BDP1: variants seen among roughly 807,000 people sequenced by gnomAD.
The protein encoded by BDP1 is transcription factor TFIIIB component B'' homolog.
In BDP1, 169 loss-of-function variants were observed where a neutral mutation model predicts 266.6. That is an observed-to-expected ratio of 0.63 (90% CI 0.56 to 0.72). The LOEUF is 0.72. Ranked by LOEUF, BDP1 falls within the 30% of genes least tolerant of loss-of-function variation. BDP1 has a pLI of 0.00. For missense variants in BDP1, 3,015 were observed against 3,053.8 expected (o/e 0.99, Z 0.30); for synonymous variants, 1,090 against 1,022.4 (o/e 1.07, Z -1.26).
chr5:71,495,265 C>A lies in BDP1; in HGVS notation c.1656C>A (p.Ala552=). ...TTTTTTTTAGTAATCAACAAGATGC[C>A]ACATCAGTAGCAACTGAGTCTTCAG... is the stretch of plus-strand genomic sequence containing the variant. ...PILSLSNQQD[A]TSVATESSES... Residue 552 remains alanine, a synonymous_variant, in exon 12 of 39, where the codon GCC becomes GCA. Transcript: ENST00000358731. The A allele has an allele frequency of 6.4e-7, 1 of 1,561,730 alleles. No individual in the cohort carries two copies. Among genetic ancestry groups the A allele is most frequent in the Non-Finnish European group, 8.7e-7 (1 of 1,153,760 alleles).
At chr5:71,526,025 C>T (rs1194170573) in intron 25 of BDP1, among the ~76,000 whole-genome samples, 1 of 152,144 alleles carries the variant, frequency 6.6e-6, no homozygotes, top group Non-Finnish European at 1.5e-5. Context: ...CTCCTCACTT[C>T]CCAGACGGGG....
In BDP1 at chr5:71,525,445, CA is replaced by C. The variant is rs1462640645; in HGVS notation, c.5772+1123del. Among the ~76,000 whole-genome samples, 276 of 48,936 alleles carry C rather than the reference CA, an allele frequency of 5.6e-3. 7 individuals carry two copies. The highest frequency in any genetic ancestry group is 0.022 in the East Asian group (25 of 1,122). 32.1% of individuals were successfully genotyped at this position (48,936 alleles called of 152,430 possible). On this transcript the variant is annotated intron_variant, in intron 25 of 38. Transcript: ENST00000358731. Reference sequence around the variant, plus strand: ...GGCGGCTGGCCGGGCGGGGGGCTGACACCCCCCACCTCCCTCCCGGACGGGG... The same window carrying C: ...GGCGGCTGGCCGGGCGGGGGGCTGACCCCCCCACCTCCCTCCCGGACGGGG...
At chr5:71,553,693 T>A (rs950025524) in intron 35 of BDP1, among the ~76,000 whole-genome samples, 2 of 152,188 alleles carry the variant, frequency 1.3e-5, no homozygotes, top group African/African-American at 4.8e-5. Context: ...ATGATAATAC[T>A]AGTATCATCA....
At position 71,455,798 on chromosome 5, in the gene BDP1, A is replaced by T. The variant is rs142427839; in HGVS notation, c.-80A>T. The T allele has an allele frequency of 1.5e-3, 1,922 of 1,264,194 alleles. 26 individuals are homozygous for T. The African/African-American group carries it at 0.024, about 16-fold the overall frequency. The allele number at this position is 1,264,194 out of a possible 1,614,324, so 78.3% of individuals were successfully genotyped here. A position where few individuals can be genotyped will look rare whatever the true frequency, so the allele number is the denominator to read the frequency against. ...GCTTTGTGGGGAGGGCGTAGTTCCT[A>T]ATCCCCTTTCCGGGCAGCCGCCGGG... On this transcript the variant is annotated 5_prime_UTR_variant, in exon 1 of 39. Coordinates refer to ENST00000358731, the MANE Select transcript of BDP1 (RefSeq NM_018429.3).
chr5:71,480,153 C>T (rs1762857250), intron 7 of BDP1, among the ~76,000 whole-genome samples: 1 of 151,290 alleles, frequency 6.6e-6, no homozygotes, highest in Admixed American at 6.6e-5. Context: ...ACTCTGTCGC[C>T]AGGCTGGAGT....
chr5:71,562,321 A>G lies in BDP1; in HGVS notation c.7544A>G (p.Asn2515Ser). ...TTTTTATCTTTAATATGCTCAAAGA[A>G]TAGTTTGGAGTCTGATGAACCTATG... ...LGFLSLICSK[N>S]SLESDEPMQV... The change falls in exon 38 of 39, where the codon AAT becomes AGT. Residue 2515 changes from asparagine (N) to serine (S), a missense_variant. Physicochemically the swap from Asn to Ser is conservative, Grantham distance 46. Transcript: ENST00000358731. 2 of 1,613,044 alleles carry G rather than the reference A, an allele frequency of 1.2e-6. No individual in the cohort carries two copies. The highest frequency in any genetic ancestry group is 1.7e-6 in the Non-Finnish European group (2 of 1,179,522).
chr5:71,543,050 AGCCAAGGTGGGTG>A (rs1016901979), intron 30 of BDP1, among the ~76,000 whole-genome samples: 3 of 152,012 alleles, frequency 2.0e-5, no homozygotes, highest in African/African-American at 4.8e-5. Context: ...CACTTTGGGA[AGCCAAGGTGGGTG>A]GCTCATTTGA....
chr5:71,483,666 C>T (rs1763091645), intron 7 of BDP1, among the ~76,000 whole-genome samples, 176 bp from the exon 8 acceptor site: 1 of 152,138 alleles, frequency 6.6e-6, no homozygotes, highest in Non-Finnish European at 1.5e-5. Context: ...CAGTAAAAAT[C>T]TTTCATCCTT....
At chr5:71,531,220 G>A (rs1011863967) in intron 25 of BDP1, among the ~76,000 whole-genome samples, 10 of 152,012 alleles carry the variant, frequency 6.6e-5, no homozygotes, top group African/African-American at 2.4e-4. Flanking sequence ...TCGCACCACC[G>A]CAGCTGGGGT....
chr5:71,553,154 T>C lies in BDP1; in HGVS notation c.7034T>C (p.Met2345Thr). The C allele has an allele frequency of 2.5e-6, 4 of 1,613,026 alleles. No individual in the cohort carries two copies. The highest frequency in any genetic ancestry group is 3.4e-6 in the Non-Finnish European group (4 of 1,179,944). The change falls in exon 35 of 39, where the codon ATG becomes ACG. Residue 2345 changes from methionine to threonine, a missense_variant. Physicochemically the swap from Met to Thr is moderately conservative, Grantham distance 81 (BLOSUM62 -1). This residue lies in a region of BDP1 where 629 missense variants were observed against 632.5 expected (regional missense o/e 0.99). Transcript: ENST00000358731. ...LPATSVGQDA[M>T]GLSISGRDNS... ...GCAACTTCAGTTGGTCAAGATGCCA[T>C]GGGTTTATCTATTTCTGGAAGAGAT...
At position 71,486,602 on chromosome 5, in the gene BDP1, C is replaced by T. The variant is rs902906277; in HGVS notation, c.1188C>T (p.Ser396=). ...ATCACAGTTTAAAGGAGAAGAAATC[C>T]ACCAAACCACGGAAAAATGTAAAAG... The part of the protein sequence containing the change: ...VKNHSLKEKK[S]TKPRKNVKVK... The change falls in exon 9 of 39, where the codon TCC becomes TCT. Residue 396 remains serine, a synonymous_variant. Transcript: ENST00000358731. The T allele has an allele frequency of 6.6e-7, 1 of 1,525,386 alleles. No homozygotes were observed. The highest frequency in any genetic ancestry group is 2.7e-5 in the Admixed American group (1 of 37,628). 94.5% of individuals were successfully genotyped at this position (1,525,386 alleles called of 1,614,324 possible). A position where few individuals can be genotyped will look rare whatever the true frequency, so the allele number is the denominator to read the frequency against.
chr5:71,460,746 G>T (rs932383439), intron 2 of BDP1, among the ~76,000 whole-genome samples: 7 of 151,534 alleles, frequency 4.6e-5, no homozygotes. Context: ...GGGGTGGGGG[G>T]ATTAAAAAAA....
chr5:71,545,550 T>TG, intron 32 of BDP1: 1 of 270,992 alleles, frequency 3.7e-6, no homozygotes, highest in Non-Finnish European at 6.9e-6. Flanking sequence ...AGGCTGGTCT[T>TG]GAACGCCTGG....
chr5:71,463,099 A>G (rs1190704839), intron 3 of BDP1, among the ~76,000 whole-genome samples: 1 of 152,096 alleles, frequency 6.6e-6, no homozygotes, highest in African/African-American at 2.4e-5. Context: ...GGAGACAGCG[A>G]GACTCTGTCT....
intron 20 of BDP1, among the ~76,000 whole-genome samples, chr5:71,515,490 C>T (rs1765169283): frequency 6.6e-6 from 1 of 152,054 alleles, no homozygotes; most frequent in Non-Finnish European, 1.5e-5. Flanking sequence ...TAGGGATGCT[C>T]AACTGATAAG....
chr5:71,564,494 A>G (rs1743903444), intron 38 of BDP1, among the ~76,000 whole-genome samples: 2 of 152,102 alleles, frequency 1.3e-5, no homozygotes, highest in South Asian at 2.1e-4. Flanking sequence ...GTTGCTTCCT[A>G]TTTTATTATT....
rs370269048 is a variant in BDP1, at chr5:71,541,433, GTTTT to G, written c.6023-10_6023-7del. 2.6e-6 allele frequency: 2 copies of G among 764,896 alleles called. No individual in the cohort carries two copies. Among genetic ancestry groups the G allele is most frequent in the Admixed American group, 6.6e-5 (2 of 30,110 alleles). 47.4% of individuals were successfully genotyped at this position (764,896 alleles called of 1,614,324 possible). ...CTATAATTTGGTCCATTTTAATTTT[GTTTT>G]TTTTTTTTTTCTTCAGTAGGAGTAT... On this transcript the variant is annotated splice_polypyrimidine_tract_variant and intron_variant, in intron 28 of 38. Transcript: ENST00000358731.
chr5:71,515,094 C>T lies in BDP1; in HGVS notation c.4621C>T (p.Gln1541Ter). 1 of 1,600,780 alleles carries T rather than the reference C, an allele frequency of 6.2e-7. No individual in the cohort carries two copies. The highest frequency in any genetic ancestry group is 1.1e-5 in the South Asian group (1 of 87,724). ...AGAGGAGTCTCAGTCAGCACCAGTC[C>T]AGAAAAATGACTCAGTTGTTTCTGT... ...PKEESQSAPV[Q>*]KNDSVVSVGT... Residue 1541 changes from glutamine (Q) to a stop codon, truncating the protein, a stop_gained, in exon 20 of 39, where the codon CAG becomes TAG. Coordinates refer to ENST00000358731, the MANE Select transcript of BDP1 (RefSeq NM_018429.3). LOFTEE classifies it high-confidence loss of function.
chr5:71,539,674 C>G, intron 28 of BDP1, 25 bp downstream of exon 28: 3 of 1,507,630 alleles, frequency 2.0e-6, no homozygotes, highest in Non-Finnish European at 2.7e-6. Flanking sequence ...TAAGTCCTAT[C>G]AAAAATAGAA....
Sources: allele counts gnomAD v4.1 joint callset (sites outside exome capture counted in the v4.1 genomes callset), GRCh38; gene constraint gnomAD v4.1.1; regional missense constraint gnomAD v4.1.1; transcripts MANE v1.5; gene names NCBI Gene and HGNC (gene_info 2026-07-23, HGNC 2026-07-21).